ST7: variants seen among roughly 807,000 people sequenced by gnomAD.
ST7 encodes suppression of tumorigenicity 7.
ST7 carries 28 observed loss-of-function variants against 78.7 expected under a neutral mutation model. The ratio of observed to expected loss-of-function variants is 0.36; its 90% confidence interval spans 0.26 to 0.49. The LOEUF (loss-of-function observed/expected upper bound fraction) is 0.49, where lower values mean the gene tolerates loss of function less well. Ranked by LOEUF, ST7 falls within the 20% of genes least tolerant of loss-of-function variation. The pLI is 0.99. For missense variants in ST7, 418 were observed against 696.0 expected, an observed-to-expected ratio of 0.60 and a Z score of 4.49; for synonymous variants, 247 against 249.6, an observed-to-expected ratio of 0.99 and a Z score of 0.10.
intron 1 of ST7, among the ~76,000 whole-genome samples, chr7:117,040,145 G>A (rs2116278072): frequency 6.6e-6 from 1 of 152,168 alleles, no homozygotes; most frequent in Admixed American, 6.5e-5. Context: ...AGGCAGAGGT[G>A]GGTGGATCAC....
chr7:117,221,076 G>C (rs906074193), intron 14 of ST7, among the ~76,000 whole-genome samples: 1 of 152,062 alleles, frequency 6.6e-6, no homozygotes, highest in African/African-American at 2.4e-5. Context: ...TTCTCCTCCT[G>C]CAGGCCCGCC....
intron 1 of ST7, among the ~76,000 whole-genome samples, chr7:117,014,102 G>C (rs1030839111): frequency 2.6e-5 from 4 of 152,186 alleles, no homozygotes; most frequent in African/African-American, 9.7e-5. Context: ...CTTCAAAGTG[G>C]TGGTAATTTG....
At chr7:117,101,304 A>G (rs1189831373) in intron 2 of ST7, among the ~76,000 whole-genome samples, 2 of 152,214 alleles carry the variant, frequency 1.3e-5, no homozygotes, top group Non-Finnish European at 2.9e-5. Flanking sequence ...CTTTAACAGT[A>G]GATACCTGGT....
chr7:116,961,551 CCTA>C (rs1016532119), intron 1 of ST7, among the ~76,000 whole-genome samples: 6 of 118,838 alleles, frequency 5.0e-5, no homozygotes, highest in Non-Finnish European at 1.0e-4. Context: ...TAGCTGTATT[CCTA>C]CGTGTGTGTG....
intron 12 of ST7, among the ~76,000 whole-genome samples, chr7:117,209,245 C>T (rs1202676776): frequency 6.6e-6 from 1 of 152,158 alleles, no homozygotes; most frequent in African/African-American, 2.4e-5. Context: ...TAATGCTCCC[C>T]TCCCTTGGGT....
chr7:117,082,007 T>C (rs1368821679), intron 1 of ST7, among the ~76,000 whole-genome samples: 1 of 152,164 alleles, frequency 6.6e-6, no homozygotes, highest in Non-Finnish European at 1.5e-5. Context: ...GCTGGAACTC[T>C]TGTGTCTAAG....
intron 15 of ST7, 96 bp from the exon 16 acceptor site, chr7:117,229,666 G>A: frequency 2.0e-6 from 2 of 989,132 alleles, no homozygotes; most frequent in Non-Finnish European, 3.0e-6. Flanking sequence ...CTTTCGTAAT[G>A]CAGAGACTTA....
At chr7:116,965,512 A>G (rs566953205) in intron 1 of ST7, among the ~76,000 whole-genome samples, 5 of 152,338 alleles carry the variant, frequency 3.3e-5, no homozygotes, top group Admixed American at 6.5e-5. Context: ...ACCACGATGC[A>G]TATAGGTATA....
At chr7:117,108,836 T>A (rs1038859543) in intron 2 of ST7, among the ~76,000 whole-genome samples, 1 of 152,144 alleles carries the variant, frequency 6.6e-6, no homozygotes, top group African/African-American at 2.4e-5. Flanking sequence ...CCTAAGTATT[T>A]TTTTATTTTT....
At chr7:117,136,805 A>C (rs527474042) in intron 8 of ST7, 1 of 152,668 alleles carries the variant, frequency 6.6e-6, no homozygotes, top group South Asian at 2.1e-4. Context: ...TCCCCAAAAA[A>C]CGCCTTTTTA....
rs150682388 is a variant in ST7, at chr7:117,154,941, A to G, written c.964-15921A>G. Among the ~76,000 whole-genome samples, 767 of 152,200 alleles carry G rather than the reference A, an allele frequency of 5.0e-3. 7 individuals are homozygous for G. Among genetic ancestry groups the G allele is most frequent in the African/African-American group, 0.018 (735 of 41,518 alleles). On this transcript the variant is annotated intron_variant, in intron 9 of 15. Transcript: ENST00000323984. ...GAGGGAGTGTAAGAAGGGATGATGG[A>G]TTCATTCTTTTTTAAAAGCAAGCAT...
chr7:117,171,202 G>A (rs957206209), intron 10 of ST7, among the ~76,000 whole-genome samples: 2 of 152,012 alleles, frequency 1.3e-5, no homozygotes, highest in African/African-American at 2.4e-5. Context: ...CCTTCCCTCC[G>A]TACAGGCTCC....
chr7:117,073,704 C>T (rs1799140712), intron 1 of ST7: 1 of 152,162 alleles, frequency 6.6e-6, no homozygotes, highest in Non-Finnish European at 1.5e-5. Context: ...TAGTACATAC[C>T]TCAGAGGGTA....
rs555725891 is a variant in ST7, at chr7:117,080,618, C to A, written c.152-19144C>A. 4.7e-4 allele frequency among the ~76,000 whole-genome samples: 71 copies of A among 152,122 alleles called. No individual in the cohort carries two copies. In the South Asian group the frequency reaches 0.015, roughly 31 times the overall value. On this transcript the variant is annotated intron_variant, in intron 1 of 15. Transcript: ENST00000323984. ...GTGTGTAGTGATTTTTAAAGAACAA[C>A]AAAAATATGCTCAATTCACATGTAT...
intron 1 of ST7, among the ~76,000 whole-genome samples, chr7:116,979,951 T>G (rs73210122): frequency 0.12 from 11,156 of 95,396 alleles, 651 homozygotes; most frequent in Non-Finnish European, 0.16. Flanking sequence ...CTTTTTCTTT[T>G]GTTTCTCTTT....
chr7:117,034,071 A>G (rs986931387), intron 1 of ST7, among the ~76,000 whole-genome samples: 1 of 152,072 alleles, frequency 6.6e-6, no homozygotes, highest in Admixed American at 6.5e-5. Flanking sequence ...CATCTCAAGT[A>G]GATAGGACCA....
At chr7:116,973,459 G>A (rs1256387575) in intron 1 of ST7, among the ~76,000 whole-genome samples, 3 of 152,168 alleles carry the variant, frequency 2.0e-5, no homozygotes, top group Non-Finnish European at 2.9e-5. Context: ...GTCTCCCCAT[G>A]TTGCCCAGAC....
intron 1 of ST7, among the ~76,000 whole-genome samples, chr7:117,096,771 G>A (rs1801077190): frequency 6.6e-6 from 1 of 152,150 alleles, no homozygotes; most frequent in South Asian, 2.1e-4. Flanking sequence ...ATTGCCACAT[G>A]CCATGTCCTT....
At chr7:117,099,052 A>AAAAG (rs1801348218) in intron 1 of ST7, among the ~76,000 whole-genome samples, 2 of 143,924 alleles carry the variant, frequency 1.4e-5, no homozygotes, top group Non-Finnish European at 1.5e-5. Flanking sequence ...TTCGCAAAAA[A>AAAAG]AAAAAAAAAA....
Sources: gnomAD v4.1 joint callset for allele counts (sites outside exome capture counted in the v4.1 genomes callset) on GRCh38, gnomAD v4.1.1 for gene constraint, MANE v1.5 for transcripts, NCBI Gene and HGNC (gene_info 2026-07-23, HGNC 2026-07-21) for gene names.